The following DCBLD2 variants were observed in gnomAD, a reference collection of about 807,000 sequenced individuals.
DCBLD2 encodes discoidin, CUB and LCCL domain-containing protein 2.
A neutral mutation model predicts 86.8 loss-of-function variants in DCBLD2; 54 were observed. The observed-to-expected ratio is 0.62, with a 90% CI of 0.50 to 0.78. The LOEUF is 0.78. DCBLD2 is among the 30% of genes least tolerant of loss of function. The probability of loss-of-function intolerance (pLI) is 0.00; values close to 1 mark genes in which losing one functional copy is unlikely to be tolerated. For missense variants in DCBLD2, 908 were observed against 954.2 expected (o/e 0.95, Z 0.64); for synonymous variants, 354 against 341.3 (o/e 1.04, Z -0.41).
intron 1 of DCBLD2, among the ~76,000 whole-genome samples, chr3:98,897,891 C>G (rs888613847): frequency 1.3e-5 from 2 of 152,036 alleles, no homozygotes; most frequent in Non-Finnish European, 2.9e-5. Flanking sequence ...TGAAGTAACC[C>G]AAATTCCTAC....
intron 2 of DCBLD2, among the ~76,000 whole-genome samples, chr3:98,864,996 T>C (rs1233168789): frequency 6.6e-6 from 1 of 152,160 alleles, no homozygotes; most frequent in Non-Finnish European, 1.5e-5. Flanking sequence ...ATGGTACACT[T>C]CTACACTATT....
rs753864803 is a variant in DCBLD2 at position 98,822,127 on chromosome 3, T to C, written c.830+101A>G. ...CCTAAATGTTCTTTCATGAACACCA[T>C]TAACAGTGATACTGCTGAGATCTAG... On this transcript the variant is annotated intron_variant, in intron 6 of 15. Coordinates refer to ENST00000326840, the MANE Select transcript of DCBLD2 (RefSeq NM_080927.4). 2.3e-5 allele frequency: 31 copies of C among 1,356,458 alleles called. No individual in the cohort carries two copies. The East Asian group carries it at 3.9e-4, about 17-fold the overall frequency. The allele number at this position is 1,356,458 out of a possible 1,614,324, so 84.0% of individuals were successfully genotyped here.
intron 10 of DCBLD2, among the ~76,000 whole-genome samples, chr3:98,811,799 G>T (rs1241500977): frequency 1.3e-5 from 2 of 152,044 alleles, no homozygotes; most frequent in African/African-American, 4.8e-5. Flanking sequence ...AAGAATAATG[G>T]GGTGGAAAGT....
chr3:98,828,574 G>A (rs143843866), intron 3 of DCBLD2, among the ~76,000 whole-genome samples: 1 of 152,166 alleles, frequency 6.6e-6, no homozygotes, highest in African/African-American at 2.4e-5. Context: ...CAAAAATGTG[G>A]AGAAACTGGA....
chr3:98,877,367 A>T (rs1943390562), intron 2 of DCBLD2, among the ~76,000 whole-genome samples: 1 of 152,162 alleles, frequency 6.6e-6, no homozygotes, highest in African/African-American at 2.4e-5. Context: ...GGCTTCTTTC[A>T]GTTCGAGTCA....
intron 3 of DCBLD2, among the ~76,000 whole-genome samples, chr3:98,838,539 C>G (rs1168769142): frequency 1.4e-5 from 2 of 146,948 alleles, no homozygotes; most frequent in Admixed American, 1.3e-4. Context: ...GGCGGCCGGG[C>G]GGAGACGCTC....
In DCBLD2 at chr3:98,901,347, C is replaced by T. The variant is rs1559805538; in HGVS notation, c.-21G>A. The T allele has an allele frequency of 1.5e-6, 2 of 1,357,188 alleles. No homozygotes were observed. Among genetic ancestry groups the T allele is most frequent in the Non-Finnish European group, 9.4e-7 (1 of 1,065,208 alleles). The allele number at this position is 1,357,188 out of a possible 1,614,324, so 84.1% of individuals were successfully genotyped here. ...GCCATCGCGGCGGCCGGCAGTCTGC[C>T]TGCATAGTGCGGGTGCCTCGGCAGC... On this transcript the variant is annotated 5_prime_UTR_variant, in exon 1 of 16. Coordinates refer to ENST00000326840, the MANE Select transcript of DCBLD2 (RefSeq NM_080927.4).
At chr3:98,867,834 G>A (rs1323674257) in intron 2 of DCBLD2, among the ~76,000 whole-genome samples, 17 of 149,358 alleles carry the variant, frequency 1.1e-4, no homozygotes, top group African/African-American at 7.4e-5. Context: ...ACGGAGTCTC[G>A]CTCTGTCACC....
chr3:98,836,339 A>G (rs1942447496), intron 3 of DCBLD2, among the ~76,000 whole-genome samples: 1 of 146,460 alleles, frequency 6.8e-6, no homozygotes, highest in African/African-American at 2.6e-5. Flanking sequence ...CCAGAGGTGG[A>G]AGTCTGTGGA....
chr3:98,823,923 G>T (rs1450092388), intron 4 of DCBLD2, among the ~76,000 whole-genome samples: 1 of 152,082 alleles, frequency 6.6e-6, no homozygotes, highest in East Asian at 1.9e-4. Context: ...GGCAGGATGG[G>T]GCTCTTAGGA....
chr3:98,842,141 A>C (rs973257198), intron 3 of DCBLD2, among the ~76,000 whole-genome samples: 4 of 152,242 alleles, frequency 2.6e-5, no homozygotes, highest in African/African-American at 9.6e-5. Context: ...GGCCGAAACA[A>C]GAAAATGTAC....
intron 2 of DCBLD2, among the ~76,000 whole-genome samples, chr3:98,868,679 T>TC (rs1943204969): frequency 6.6e-6 from 1 of 152,070 alleles, no homozygotes; most frequent in South Asian, 2.1e-4. Context: ...ACAAGGTTAG[T>TC]CCCCCCTTGT....
intron 1 of DCBLD2, among the ~76,000 whole-genome samples, chr3:98,893,297 G>T (rs1943695703): frequency 6.6e-6 from 1 of 151,752 alleles, no homozygotes; most frequent in Non-Finnish European, 1.5e-5. Flanking sequence ...AGTAGTAACT[G>T]GATGTCAAGT....
intron 1 of DCBLD2, among the ~76,000 whole-genome samples, chr3:98,886,013 CTTAGAG>C (rs1309797975): frequency 6.6e-6 from 1 of 151,766 alleles, no homozygotes; most frequent in Admixed American, 6.6e-5. Context: ...TAAGTGCTGA[CTTAGAG>C]TTAAAGCTAG....
At chr3:98,808,214 A>G in intron 12 of DCBLD2, 40 bp from the exon 13 acceptor site, 1 of 1,520,056 alleles carries the variant, frequency 6.6e-7, no homozygotes. Context: ...CAAAAGCCAT[A>G]TTAACACCAA....
chr3:98,805,170 C>T (rs1414553523), intron 13 of DCBLD2: 3 of 152,030 alleles, frequency 2.0e-5, no homozygotes, highest in Admixed American at 6.6e-5. Context: ...ATTTTTGATA[C>T]TAAATGCATC....
chr3:98,831,513 T>G (rs1234080186), intron 3 of DCBLD2, among the ~76,000 whole-genome samples: 1 of 152,230 alleles, frequency 6.6e-6, no homozygotes, highest in Admixed American at 6.5e-5. Flanking sequence ...TAAGGTTGGT[T>G]TGCTCTTACT....
chr3:98,808,018 T>C (rs1453137296), intron 13 of DCBLD2, 63 bp downstream of exon 13: 3 of 1,230,654 alleles, frequency 2.4e-6, no homozygotes, highest in East Asian at 5.7e-5. Flanking sequence ...TTTCATCTTC[T>C]ATATTTAGCT....
chr3:98,831,306 C>T (rs894708502), intron 3 of DCBLD2, among the ~76,000 whole-genome samples: 4 of 151,924 alleles, frequency 2.6e-5, no homozygotes, highest in Non-Finnish European at 5.9e-5. Context: ...CCCACCTTGG[C>T]CTCCAAAGTG....
Sources: gnomAD v4.1 joint callset for allele counts (sites outside exome capture counted in the v4.1 genomes callset) on GRCh38, gnomAD v4.1.1 for gene constraint, MANE v1.5 for transcripts, NCBI Gene and HGNC (gene_info 2026-07-23, HGNC 2026-07-21) for gene names.